Variants in MAST4 observed in about 807,000 individuals in gnomAD.
MAST4 encodes the protein microtubule-associated serine/threonine-protein kinase 4.
Under a neutral mutation model 162.7 loss-of-function variants are expected in MAST4, and 89 were observed. The observed-to-expected ratio is 0.55, with a 90% confidence interval of 0.46 to 0.65. The LOEUF (loss-of-function observed/expected upper bound fraction) is 0.65, where lower values mean the gene tolerates loss of function less well. Among genes scored for constraint, MAST4 ranks in the 30% least tolerant of loss-of-function variants. The pLI, the probability that MAST4 is intolerant of heterozygous loss-of-function variation, is 0.00. For synonymous variants in MAST4, 1,479 were observed against 1,361.1 expected (o/e 1.09, Z -1.91); for missense variants, 3,153 against 3,374.0 (o/e 0.93, Z 1.62).
At chr5:66,931,748 A>G (rs1403217315) in intron 4 of MAST4, among the ~76,000 whole-genome samples, 1 of 151,926 alleles carries the variant, frequency 6.6e-6, no homozygotes, top group Non-Finnish European at 1.5e-5. Context: ...AGGCATGTAT[A>G]TATTAGTACA....
chr5:67,104,592 A>T lies in MAST4; in HGVS notation c.1356+17A>T. The T allele has an allele frequency of 6.3e-7, 1 of 1,597,994 alleles. No homozygotes were observed. Among genetic ancestry groups the T allele is most frequent in the Non-Finnish European group, 8.5e-7 (1 of 1,169,784 alleles). ...CTACAGGAGGTAAGAACCATGTACC[A>T]TATAGTTTTCTGATTTATTTTGCTT... On this transcript the variant is annotated intron_variant, in intron 10 of 28. Coordinates refer to ENST00000403625, the MANE Select transcript of MAST4 (RefSeq NM_001164664.2).
At chr5:66,851,667 A>C (rs1759322140) in intron 3 of MAST4, among the ~76,000 whole-genome samples, 2 of 152,260 alleles carry the variant, frequency 1.3e-5, no homozygotes, top group South Asian at 4.1e-4. Context: ...ATTTTTATTA[A>C]CACCACATAT....
intron 4 of MAST4, among the ~76,000 whole-genome samples, chr5:67,051,597 G>A (rs1256037734): frequency 6.6e-6 from 1 of 152,050 alleles, no homozygotes; most frequent in African/African-American, 2.4e-5. Context: ...CCCAGAAGCA[G>A]GTAATACTGA....
In MAST4 at chr5:67,027,945, T is replaced by C. The variant is rs573756673; in HGVS notation, c.675-26459T>C. 3.3e-5 allele frequency among the ~76,000 whole-genome samples: 5 copies of C among 152,288 alleles called. No homozygotes were observed. The South Asian group carries it at 1.0e-3, about 32-fold the overall frequency. The stretch of plus-strand genomic sequence containing the variant: ...TAATATCAGTTGAGCACCTTCCATG[T>C]GTTAGGGATTGTGCTGGAGAGGCAG... On this transcript the variant is annotated intron_variant, in intron 4 of 28. Transcript: ENST00000403625.
chr5:67,039,594 G>C (rs935680079), intron 4 of MAST4, among the ~76,000 whole-genome samples: 4 of 152,186 alleles, frequency 2.6e-5, no homozygotes, highest in Admixed American at 2.0e-4. Context: ...TAAACAGAAG[G>C]CTGGACCTGT....
rs537179697 is a variant in MAST4 at position 67,133,650 on chromosome 5, A to C, written c.2226+4A>C. 8.1e-6 allele frequency: 13 copies of C among 1,612,716 alleles called. No individual in the cohort carries two copies. The South Asian group carries it at 1.3e-4, about 16-fold the overall frequency. On this transcript the variant is annotated splice_donor_region_variant and intron_variant, in intron 17 of 28. Coordinates refer to ENST00000403625, the MANE Select transcript of MAST4 (RefSeq NM_001164664.2). ...TAGAGAGTTCCTGGATAAACAGGTA[A>C]GCTTGGGTGCCATTTAGTTTATTGA... is the stretch of plus-strand genomic sequence containing the variant.
intron 1 of MAST4, among the ~76,000 whole-genome samples, chr5:66,725,477 T>C (rs974086931): frequency 2.6e-5 from 4 of 152,172 alleles, no homozygotes; most frequent in African/African-American, 9.7e-5. Flanking sequence ...TATCAACAAA[T>C]ATGAATGCTC....
chr5:66,976,983 G>C (rs1329852272), intron 4 of MAST4, among the ~76,000 whole-genome samples: 1 of 152,210 alleles, frequency 6.6e-6, no homozygotes, highest in Non-Finnish European at 1.5e-5. Context: ...ATCATGTAGA[G>C]AGTGGCAGGC....
intron 1 of MAST4, among the ~76,000 whole-genome samples, chr5:66,726,706 G>A (rs1751543959): frequency 6.6e-6 from 1 of 152,058 alleles, no homozygotes; most frequent in Admixed American, 6.6e-5. Context: ...GGTAAGCGAC[G>A]AGCAAATGAG....
intron 3 of MAST4, among the ~76,000 whole-genome samples, chr5:66,869,515 G>A (rs752074649): frequency 3.9e-5 from 6 of 151,984 alleles, no homozygotes; most frequent in Admixed American, 3.9e-4. Context: ...TTGGCAGGGC[G>A]GTTACTAGGA....
intron 1 of MAST4, among the ~76,000 whole-genome samples, chr5:66,755,943 G>GGTGGGGGCA: frequency 6.6e-6 from 1 of 152,162 alleles, no homozygotes; most frequent in East Asian, 1.9e-4. Context: ...GCATATAATG[G>GGTGGGGGCA]GTGGGGGCAG....
intron 4 of MAST4, chr5:66,986,488 T>C: frequency 6.4e-7 from 1 of 1,569,424 alleles, no homozygotes; most frequent in South Asian, 1.2e-5. Flanking sequence ...CTTGGATGAA[T>C]TGCCACCACA....
At chr5:67,036,816 T>A (rs1341987822) in intron 4 of MAST4, among the ~76,000 whole-genome samples, 2 of 152,196 alleles carry the variant, frequency 1.3e-5, no homozygotes, top group South Asian at 4.1e-4. Flanking sequence ...ATGTTTAATA[T>A]CAGTCTTTGG....
At chr5:66,605,706 T>C (rs1271042665) in intron 1 of MAST4, among the ~76,000 whole-genome samples, 1 of 152,184 alleles carries the variant, frequency 6.6e-6, no homozygotes, top group Admixed American at 6.5e-5. Flanking sequence ...GTAAGACCCC[T>C]GAGGGTCAGC....
chr5:66,820,078 T>C (rs903758821), intron 3 of MAST4, among the ~76,000 whole-genome samples: 2 of 151,264 alleles, frequency 1.3e-5, no homozygotes, highest in African/African-American at 4.9e-5. Flanking sequence ...CCTCAGCCCC[T>C]CAAAGTGCTG....
chr5:66,673,507 GTTTTTTT>G lies in MAST4; in HGVS notation c.363+76491_363+76497del, dbSNP rs1302264518. On this transcript the variant is annotated intron_variant, in intron 1 of 28. Transcript: ENST00000403625. ...TATCTATTGGAACTACAATACGCTA[GTTTTTTT>G]TGTTTTTTGTTTTTTGTTTTTTTTT... is the stretch of plus-strand genomic sequence containing the variant. 7.8e-5 allele frequency among the ~76,000 whole-genome samples: 11 copies of G among 140,912 alleles called. No individual in the cohort carries two copies. The East Asian group carries it at 2.5e-3, about 31-fold the overall frequency. 92.4% of individuals were successfully genotyped at this position (140,912 alleles called of 152,430 possible). A position where few individuals can be genotyped will look rare whatever the true frequency, so the allele number is the denominator to read the frequency against.
intron 3 of MAST4, among the ~76,000 whole-genome samples, chr5:66,893,253 T>C (rs1561420925): frequency 6.6e-6 from 1 of 152,206 alleles, no homozygotes. Flanking sequence ...TAGCCCAGGC[T>C]GGAGTGCTGT....
In MAST4 at chr5:67,166,325, A is replaced by T; in HGVS notation, c.7146A>T (p.Ala2382=). The stretch of plus-strand genomic sequence containing the variant: ...GCACTGAAGCACTTTATGCTCCAGC[A>T]GAGGGCGACAAGCTCGAGGCCGGCC... ...KKCTEALYAP[A]EGDKLEAGLS... The change falls in exon 29 of 29, where the codon GCA becomes GCT. Residue 2382 remains alanine, a synonymous_variant. Transcript: ENST00000403625. 6.3e-7 allele frequency: 1 copy of T among 1,593,746 alleles called. No homozygotes were observed. The highest frequency in any genetic ancestry group is 8.5e-7 in the Non-Finnish European group (1 of 1,169,690).
intron 4 of MAST4, among the ~76,000 whole-genome samples, chr5:67,037,461 C>T (rs59235150): frequency 0.036 from 5,417 of 152,154 alleles, 299 homozygotes; most frequent in African/African-American, 0.12. Context: ...AAATACATAG[C>T]TCATTTAGTA....
Sources: allele counts gnomAD v4.1 joint callset (sites outside exome capture counted in the v4.1 genomes callset), GRCh38; gene constraint gnomAD v4.1.1; transcripts MANE v1.5; gene names NCBI Gene and HGNC (gene_info 2026-07-23, HGNC 2026-07-21).